Variants in FRMD6 observed in about 807,000 individuals in gnomAD.
FRMD6 encodes FERM domain-containing protein 6.
Under a neutral mutation model 73.2 loss-of-function variants are expected in FRMD6, and 37 were observed. The ratio of observed to expected loss-of-function variants is 0.51; its 90% CI spans 0.39 to 0.66. The LOEUF is 0.66. Ranked by LOEUF, FRMD6 falls within the 30% of genes least tolerant of loss-of-function variation. The pLI is 0.00. For missense variants in FRMD6, 714 were observed against 780.5 expected, an observed-to-expected ratio of 0.91 and a Z score of 1.02; for synonymous variants, 273 against 282.2, an observed-to-expected ratio of 0.97 and a Z score of 0.33.
At chr14:51,652,686 G>A (rs1892512244) in intron 1 of FRMD6, among the ~76,000 whole-genome samples, 1 of 152,204 alleles carries the variant, frequency 6.6e-6, no homozygotes, top group Non-Finnish European at 1.5e-5. Context: ...AGTTGGGGGT[G>A]CGGCCTGCAG....
chr14:51,489,963 T>C (rs1381068366), intron 1 of FRMD6, among the ~76,000 whole-genome samples: 1 of 152,232 alleles, frequency 6.6e-6, no homozygotes, highest in Non-Finnish European at 1.5e-5. Context: ...GTTACATTAG[T>C]ATCAGTTACA....
chr14:51,397,331 A>G, the FRMD6 span, among the ~76,000 whole-genome samples: 1 of 152,220 alleles, frequency 6.6e-6, no homozygotes, highest in Admixed American at 6.5e-5. Context: ...TACATAAGGT[A>G]TTTGTGGCTT....
At chr14:51,639,487 C>T (rs990312451) in intron 2 of FRMD6, among the ~76,000 whole-genome samples, 10 of 151,886 alleles carry the variant, frequency 6.6e-5, no homozygotes, top group African/African-American at 2.4e-4. Flanking sequence ...AAGCTACTAA[C>T]TTTGGGTAAC....
At chr14:51,579,826 T>C (rs1315722744) in intron 2 of FRMD6, among the ~76,000 whole-genome samples, 4 of 152,180 alleles carry the variant, frequency 2.6e-5, no homozygotes, top group African/African-American at 9.7e-5. Context: ...ACATATTCTC[T>C]GCCCCATTTA....
chr14:51,676,536 G>A (rs980207860), intron 1 of FRMD6, among the ~76,000 whole-genome samples: 1 of 152,148 alleles, frequency 6.6e-6, no homozygotes, highest in Non-Finnish European at 1.5e-5. Flanking sequence ...GTGAAATGTA[G>A]CAGGCAGTTA....
At chr14:51,396,568 G>A in the FRMD6 span, among the ~76,000 whole-genome samples, 1 of 152,214 alleles carries the variant, frequency 6.6e-6, no homozygotes, top group Non-Finnish European at 1.5e-5. Flanking sequence ...TGATTCAGGA[G>A]TCACCATCTG....
intron 1 of FRMD6, among the ~76,000 whole-genome samples, chr14:51,664,922 G>A (rs1893469980): frequency 6.6e-6 from 1 of 152,164 alleles, no homozygotes; most frequent in Admixed American, 6.5e-5. Context: ...TCGCAGTGCT[G>A]GGGATTTTAC....
intron 1 of FRMD6, among the ~76,000 whole-genome samples, chr14:51,686,949 T>TAA (rs963691966): frequency 6.6e-6 from 1 of 152,134 alleles, no homozygotes; most frequent in African/African-American, 2.4e-5. Flanking sequence ...TTGGGTAAAG[T>TAA]AAAAACTTAA....
chr14:51,430,028 C>G, the FRMD6 span, among the ~76,000 whole-genome samples: 1 of 152,130 alleles, frequency 6.6e-6, no homozygotes. Context: ...ATGCATGAAG[C>G]TCAAGAAGAA....
chr14:51,549,595 C>CTTTTTTTTTTTTTTTTTTTT (rs35356416), intron 1 of FRMD6, among the ~76,000 whole-genome samples: 6 of 98,008 alleles, frequency 6.1e-5, no homozygotes, highest in African/African-American at 2.0e-4. Context: ...TTTTTTCTTT[C>CTTTTTTTTTTTTTTTTTTTT]TTTTTTTTTT....
At chr14:51,588,228 T>A (rs1889168508) in intron 2 of FRMD6, among the ~76,000 whole-genome samples, 1 of 151,932 alleles carries the variant, frequency 6.6e-6, no homozygotes, top group African/African-American at 2.4e-5. Flanking sequence ...ATGCTGGGAG[T>A]TTTTTTGTTG....
the FRMD6 span, chr14:51,436,846 T>C: frequency 4.6e-4 from 278 of 609,114 alleles, 5 homozygotes; most frequent in East Asian, 8.8e-3. Context: ...AAGATGATGA[T>C]GAAGAAGAGG....
At chr14:51,443,093 A>T in the FRMD6 span, among the ~76,000 whole-genome samples, 1 of 152,210 alleles carries the variant, frequency 6.6e-6, no homozygotes, top group Admixed American at 6.5e-5. Context: ...CATCATCCAT[A>T]GGCTTCTCCC....
At chr14:51,404,070 T>A in the FRMD6 span, among the ~76,000 whole-genome samples, 2 of 152,252 alleles carry the variant, frequency 1.3e-5, no homozygotes, top group Admixed American at 1.3e-4. Context: ...GTTATACATG[T>A]CATCACTGAT....
chr14:51,604,353 C>T (rs1890160502), intron 2 of FRMD6, among the ~76,000 whole-genome samples: 1 of 152,212 alleles, frequency 6.6e-6, no homozygotes, highest in African/African-American at 2.4e-5. Flanking sequence ...TGGAGTAAGG[C>T]ATTGAGCAAT....
intron 1 of FRMD6, among the ~76,000 whole-genome samples, chr14:51,530,405 A>G (rs1001659311): frequency 1.3e-5 from 2 of 152,252 alleles, no homozygotes; most frequent in Non-Finnish European, 2.9e-5. Context: ...AGTAACAGGT[A>G]GATATTAATA....
chr14:51,696,786 TAAA>T (rs1199975205), intron 2 of FRMD6, among the ~76,000 whole-genome samples: 1 of 151,422 alleles, frequency 6.6e-6, no homozygotes. Flanking sequence ...ACTCTGTCTT[TAAA>T]AAAAAGTCTA....
chr14:51,529,258 G>T (rs1047249480), intron 1 of FRMD6, among the ~76,000 whole-genome samples: 1 of 152,090 alleles, frequency 6.6e-6, no homozygotes, highest in Non-Finnish European at 1.5e-5. Context: ...TTTGGCCTTG[G>T]GCCAGTTTCT....
the FRMD6 span, among the ~76,000 whole-genome samples, chr14:51,437,194 T>C: frequency 6.6e-6 from 1 of 152,156 alleles, no homozygotes; most frequent in African/African-American, 2.4e-5. Flanking sequence ...TTCCATGTGT[T>C]CTCATTGTTC....
Sources: gnomAD v4.1 joint callset for allele counts (sites outside exome capture counted in the v4.1 genomes callset) on GRCh38, gnomAD v4.1.1 for gene constraint, MANE v1.5 for transcripts, NCBI Gene and HGNC (gene_info 2026-07-23, HGNC 2026-07-21) for gene names.